ADGRG7: variants seen among roughly 807,000 people sequenced by gnomAD.
The protein encoded by ADGRG7 is adhesion G protein-coupled receptor G7.
Under a neutral mutation model 88.6 loss-of-function variants are expected in ADGRG7, and 82 were observed. The observed-to-expected ratio is 0.93, with a 90% CI of 0.77 to 1.11. The LOEUF (loss-of-function observed/expected upper bound fraction) is 1.11. Among genes scored for constraint, ADGRG7 ranks in the 50% most tolerant of loss-of-function variants. ADGRG7 has a pLI of 0.00. For missense variants in ADGRG7, 945 were observed against 953.4 expected (o/e 0.99, Z 0.12); for synonymous variants, 381 against 345.2 (o/e 1.10, Z -1.15).
intron 5 of ADGRG7, among the ~76,000 whole-genome samples, chr3:100,636,347 A>G (rs1449119988): frequency 1.3e-5 from 2 of 152,248 alleles, no homozygotes; most frequent in African/African-American, 4.8e-5. Flanking sequence ...TAGTGTTTCA[A>G]GAATTTAATT....
At chr3:100,631,866 C>T (rs989774034) in intron 3 of ADGRG7, among the ~76,000 whole-genome samples, 2 of 151,968 alleles carry the variant, frequency 1.3e-5, no homozygotes, top group South Asian at 2.1e-4. Context: ...TGTGTTAGTC[C>T]ATTCTTGCAT....
chr3:100,642,619 A>T lies in ADGRG7; in HGVS notation c.699-647A>T, dbSNP rs543169982. Among the ~76,000 whole-genome samples, 10 of 152,342 alleles carry T rather than the reference A, an allele frequency of 6.6e-5. No individual in the cohort carries two copies. The East Asian group carries it at 1.9e-3, about 29-fold the overall frequency. On this transcript the variant is annotated intron_variant, in intron 6 of 15. Transcript: ENST00000273352. Reference sequence around the variant, plus strand: ...TTCTATGGGAAACAAGAAAAAGAAAAGGTCTTATGACTTTTCTTTGGAGAA... The same window carrying T: ...TTCTATGGGAAACAAGAAAAAGAAATGGTCTTATGACTTTTCTTTGGAGAA...
chr3:100,689,398 G>T (rs528725938), intron 15 of ADGRG7, among the ~76,000 whole-genome samples: 29 of 152,106 alleles, frequency 1.9e-4, no homozygotes, highest in African/African-American at 6.3e-4. Context: ...ATATTGTTAC[G>T]TGTGAATTTG....
chr3:100,637,942 T>G (rs1297062437), intron 6 of ADGRG7, among the ~76,000 whole-genome samples: 1 of 152,208 alleles, frequency 6.6e-6, no homozygotes, highest in African/African-American at 2.4e-5. Context: ...AATGTGTAGA[T>G]GAGCAAGTGT....
intron 15 of ADGRG7, among the ~76,000 whole-genome samples, chr3:100,669,814 T>A (rs2149035224): frequency 6.6e-6 from 1 of 152,218 alleles, no homozygotes; most frequent in South Asian, 2.1e-4. Context: ...GACAGGTGGA[T>A]TGCCTGAGGT....
chr3:100,669,574 CATAGTAGGTGTAT>C (rs1303322987), intron 15 of ADGRG7, among the ~76,000 whole-genome samples: 4 of 139,482 alleles, frequency 2.9e-5, no homozygotes, highest in African/African-American at 1.1e-4. Context: ...CTAGTGGGTA[CATAGTAGGTGTAT>C]ATATTTATGG....
rs939075553 is a variant in ADGRG7, at chr3:100,654,995, C to G, written c.1540C>G (p.Pro514Ala). 2 of 1,613,920 alleles carry G rather than the reference C, an allele frequency of 1.2e-6. No homozygotes were observed. The highest frequency in any genetic ancestry group is 2.7e-5 in the African/African-American group (2 of 74,880). ...TATTGACTTTGACAATAATGACATA[C>G]CCAGGACAGACACCATTAACATCCC... ...NNIDFDNNDI[P>A]RTDTINIPNP... The change falls in exon 12 of 16, where the codon CCC becomes GCC. Residue 514 changes from proline (P) to alanine (A), a missense_variant. Pro to Ala is a conservative substitution (Grantham distance 27). Transcript: ENST00000273352.
intron 15 of ADGRG7, among the ~76,000 whole-genome samples, chr3:100,681,815 C>G (rs189123162): frequency 2.0e-5 from 3 of 152,286 alleles, no homozygotes. Flanking sequence ...CCTTAAAGCA[C>G]TCGCACCCTA....
chr3:100,675,414 A>G (rs999884301), intron 15 of ADGRG7, among the ~76,000 whole-genome samples: 3 of 152,184 alleles, frequency 2.0e-5, no homozygotes, highest in African/African-American at 7.2e-5. Context: ...TTGCATATGT[A>G]GGACCATCCT....
chr3:100,694,280 G>C (rs969952043), intron 15 of ADGRG7, among the ~76,000 whole-genome samples: 1 of 152,146 alleles, frequency 6.6e-6, no homozygotes, highest in African/African-American at 2.4e-5. Context: ...GTCTTCATCT[G>C]TGAAGTACAG....
intron 1 of ADGRG7, among the ~76,000 whole-genome samples, chr3:100,623,714 C>T (rs1707343498): frequency 6.6e-6 from 1 of 152,064 alleles, no homozygotes; most frequent in African/African-American, 2.4e-5. Flanking sequence ...CCCTACTCCC[C>T]AACAGGCCCC....
intron 15 of ADGRG7, among the ~76,000 whole-genome samples, chr3:100,678,113 A>C (rs1214821079): frequency 6.6e-6 from 1 of 151,666 alleles, no homozygotes; most frequent in Non-Finnish European, 1.5e-5. Context: ...ATTAATTTTT[A>C]TTCTTTTTTC....
intron 14 of ADGRG7, among the ~76,000 whole-genome samples, chr3:100,661,128 G>A (rs1003207308): frequency 6.6e-6 from 1 of 151,922 alleles, no homozygotes; most frequent in African/African-American, 2.4e-5. Flanking sequence ...TGTCATCCCT[G>A]ATATACAACA....
chr3:100,617,454 G>A (rs1273168514), intron 1 of ADGRG7, among the ~76,000 whole-genome samples: 1 of 148,310 alleles, frequency 6.7e-6, no homozygotes, highest in South Asian at 2.1e-4. Flanking sequence ...CCACCTATGA[G>A]TGAGAACATG....
At chr3:100,623,554 T>A (rs1707341613) in intron 1 of ADGRG7, among the ~76,000 whole-genome samples, 1 of 152,198 alleles carries the variant, frequency 6.6e-6, no homozygotes, top group South Asian at 2.1e-4. Flanking sequence ...TTTATTTTAC[T>A]TTAAGTTGCA....
At chr3:100,673,704 G>A (rs900985716) in intron 15 of ADGRG7, among the ~76,000 whole-genome samples, 1 of 152,044 alleles carries the variant, frequency 6.6e-6, no homozygotes, top group Non-Finnish European at 1.5e-5. Context: ...TGGTCCACCC[G>A]CCTTGGCCTC....
chr3:100,623,724 C>G (rs182392801), intron 1 of ADGRG7, among the ~76,000 whole-genome samples: 1 of 152,026 alleles, frequency 6.6e-6, no homozygotes, highest in Non-Finnish European at 1.5e-5. Context: ...CAACAGGCCC[C>G]GGTGTGTGTT....
At chr3:100,690,367 C>T (rs574528287) in intron 15 of ADGRG7, among the ~76,000 whole-genome samples, 9 of 152,326 alleles carry the variant, frequency 5.9e-5, no homozygotes, top group South Asian at 2.1e-4. Flanking sequence ...GCCTTCTTCT[C>T]TCAACTCGTC....
At chr3:100,664,031 C>T (rs1408632998) in intron 14 of ADGRG7, among the ~76,000 whole-genome samples, 4 of 151,900 alleles carry the variant, frequency 2.6e-5, no homozygotes, top group Non-Finnish European at 5.9e-5. Flanking sequence ...CACAAGTATA[C>T]CCAAAATTAT....
Sources: gnomAD v4.1 joint callset for allele counts (sites outside exome capture counted in the v4.1 genomes callset) on GRCh38, gnomAD v4.1.1 for gene constraint, MANE v1.5 for transcripts, NCBI Gene and HGNC (gene_info 2026-07-23, HGNC 2026-07-21) for gene names.